The following OSBPL1A variants were observed in gnomAD, a reference collection of about 807,000 sequenced individuals.
The protein encoded by OSBPL1A is oxysterol-binding protein-related protein 1.
OSBPL1A carries 80 observed loss-of-function variants against 137.1 expected under a neutral mutation model. That is an observed-to-expected ratio of 0.58 (90% CI 0.49 to 0.70). The LOEUF is 0.70. Among genes scored for constraint, OSBPL1A ranks in the 30% least tolerant of loss-of-function variants. The pLI, the probability that OSBPL1A is intolerant of heterozygous loss-of-function variation, is 0.00. For missense variants in OSBPL1A, 970 were observed against 1,129.4 expected, an observed-to-expected ratio of 0.86 and a Z score of 2.02; for synonymous variants, 365 against 389.7, an observed-to-expected ratio of 0.94 and a Z score of 0.75.
Position 24,165,196 on chromosome 18 carries a change from C to T in OSBPL1A, c.2660-41G>A, listed in dbSNP as rs2086119188. ...CAACACAAACCATTAACACTCTACA[C>T]AGAGGATGCCAGGCACAGTATTAAG... On this transcript the variant is annotated intron_variant, in intron 26 of 27. Coordinates refer to ENST00000319481, the MANE Select transcript of OSBPL1A (RefSeq NM_080597.4). 3.9e-6 allele frequency: 6 copies of T among 1,534,694 alleles called. No individual in the cohort carries two copies. The East Asian group carries it at 1.4e-4, about 35-fold the overall frequency.
chr18:24,281,831 G>A lies in OSBPL1A; in HGVS notation c.1175-883C>T, dbSNP rs867320488. Among the ~76,000 whole-genome samples, 5 of 152,342 alleles carry A rather than the reference G, an allele frequency of 3.3e-5. No individual in the cohort carries two copies. In the Middle Eastern group the frequency reaches 0.014, roughly 415 times the overall value. Reference sequence around the variant, plus strand: ...GTCCCCAGACCCGGGCTGCAGACTGGTACTGGTCTGTGGTCCTGTTAGGAA... The same window carrying A: ...GTCCCCAGACCCGGGCTGCAGACTGATACTGGTCTGTGGTCCTGTTAGGAA... On this transcript the variant is annotated intron_variant, in intron 14 of 27. Transcript: ENST00000319481.
intron 13 of OSBPL1A, among the ~76,000 whole-genome samples, chr18:24,305,904 C>T (rs928851957): frequency 2.0e-5 from 3 of 152,192 alleles, no homozygotes; most frequent in African/African-American, 7.2e-5. Context: ...TCCTCCTTCA[C>T]CTTCCACCAA....
intron 12 of OSBPL1A, among the ~76,000 whole-genome samples, chr18:24,313,389 CTAGA>C (rs2090661389): frequency 6.7e-6 from 1 of 150,146 alleles, no homozygotes; most frequent in African/African-American, 2.5e-5. Flanking sequence ...TGCAATGAGC[CTAGA>C]TCCCACCACT....
chr18:24,274,343 C>A (rs1285893954), intron 15 of OSBPL1A, among the ~76,000 whole-genome samples: 1 of 151,902 alleles, frequency 6.6e-6, no homozygotes, highest in Non-Finnish European at 1.5e-5. Context: ...GAATGGGTGG[C>A]AAGTCTATGA....
chr18:24,194,822 C>G (rs1468368361), intron 18 of OSBPL1A, among the ~76,000 whole-genome samples: 10 of 152,176 alleles, frequency 6.6e-5, no homozygotes, highest in Admixed American at 5.9e-4. Flanking sequence ...GGTCTCACAG[C>G]CAGGAAGCGG....
At chr18:24,209,575 A>G (rs1346957000) in intron 17 of OSBPL1A, among the ~76,000 whole-genome samples, 2 of 152,254 alleles carry the variant, frequency 1.3e-5, no homozygotes, top group Non-Finnish European at 2.9e-5. Flanking sequence ...AATGGTATCT[A>G]GAAGAACATT....
chr18:24,354,770 AAAAG>A (rs1348891803), intron 4 of OSBPL1A, among the ~76,000 whole-genome samples: 25 of 148,710 alleles, frequency 1.7e-4, no homozygotes, highest in Admixed American at 6.7e-4. Context: ...AAAAAAAAAA[AAAAG>A]AAAGAAAGAA....
intron 17 of OSBPL1A, among the ~76,000 whole-genome samples, chr18:24,214,890 C>T (rs117451699): frequency 0.033 from 4,974 of 152,288 alleles, 125 homozygotes; most frequent in Non-Finnish European, 0.045. Context: ...GACTAACTTC[C>T]CTTCAAACCA....
In OSBPL1A at chr18:24,332,811, T is replaced by C. The variant is rs556654727; in HGVS notation, c.625+131A>G. On this transcript the variant is annotated intron_variant, in intron 7 of 27. Transcript: ENST00000319481. ...CATTTTTTCTTTTGTGTGAATGCCT[T>C]GGCTCCAAAATTAAATAGAAACCAT... is the stretch of plus-strand genomic sequence containing the variant. 1.1e-4 allele frequency: 124 copies of C among 1,127,390 alleles called. No individual in the cohort carries two copies. In the Middle Eastern group the frequency reaches 1.1e-3, roughly 10 times the overall value. The allele number at this position is 1,127,390 out of a possible 1,614,324, so 69.8% of individuals were successfully genotyped here.
chr18:24,174,967 C>T (rs540427368), intron 21 of OSBPL1A, among the ~76,000 whole-genome samples: 2 of 150,904 alleles, frequency 1.3e-5, no homozygotes, highest in South Asian at 2.1e-4. Context: ...TTTTTAGAGA[C>T]GGATTTTCAC....
intron 13 of OSBPL1A, 139 bp downstream of exon 13, chr18:24,311,845 C>T: frequency 1.0e-6 from 1 of 957,992 alleles, no homozygotes; most frequent in Non-Finnish European, 1.6e-6. Flanking sequence ...CAACACAATG[C>T]AACTCAGTGA....
intron 15 of OSBPL1A, among the ~76,000 whole-genome samples, chr18:24,267,788 A>G (rs2089617087): frequency 6.6e-6 from 1 of 152,200 alleles, no homozygotes; most frequent in Non-Finnish European, 1.5e-5. Flanking sequence ...AATCTGGTAA[A>G]TGGTATTTGT....
chr18:24,168,496 C>G (rs1202162311), intron 24 of OSBPL1A, among the ~76,000 whole-genome samples: 1 of 152,180 alleles, frequency 6.6e-6, no homozygotes, highest in Non-Finnish European at 1.5e-5. Flanking sequence ...TCTCCGCGGC[C>G]CAGCTATGCT....
intron 15 of OSBPL1A, among the ~76,000 whole-genome samples, chr18:24,261,183 C>T (rs1393608864): frequency 6.6e-6 from 1 of 152,066 alleles, no homozygotes; most frequent in African/African-American, 2.4e-5. Context: ...GATTCCATTA[C>T]TATAAAATTT....
chr18:24,314,467 G>C lies in OSBPL1A; in HGVS notation c.871-120C>G. The C allele has an allele frequency of 2.3e-5, 14 of 601,678 alleles. No individual in the cohort carries two copies. In the Middle Eastern group the frequency reaches 5.2e-3, roughly 225 times the overall value. 37.3% of individuals were successfully genotyped at this position (601,678 alleles called of 1,614,324 possible). A position where few individuals can be genotyped will look rare whatever the true frequency, so the allele number is the denominator to read the frequency against. ...TAACGATACCCAGTTGAACACTTAA[G>C]TATTGACAGATAAAAATTGGAAAAA... On this transcript the variant is annotated intron_variant, in intron 11 of 27. Coordinates refer to ENST00000319481, the MANE Select transcript of OSBPL1A (RefSeq NM_080597.4).
intron 5 of OSBPL1A, among the ~76,000 whole-genome samples, chr18:24,336,985 C>A (rs1002780376): frequency 6.6e-6 from 1 of 152,042 alleles, no homozygotes; most frequent in East Asian, 1.9e-4. Context: ...GGAAAAGATG[C>A]CTTTACAGTG....
intron 1 of OSBPL1A, among the ~76,000 whole-genome samples, chr18:24,386,862 T>C (rs1198829141): frequency 6.6e-6 from 1 of 151,802 alleles, no homozygotes; most frequent in Admixed American, 6.6e-5. Flanking sequence ...GAAGCCGAGG[T>C]GGAAAGATTG....
Position 24,384,603 on chromosome 18 carries a change from C to T in OSBPL1A, c.-2-7068G>A, listed in dbSNP as rs533733832. The stretch of plus-strand genomic sequence containing the variant: ...AAACAAAAGGGCCGGGGGCGGGTGG[C>T]TCATGCCTGTCATCCCAGCACTTTG... On this transcript the variant is annotated intron_variant, in intron 1 of 27. Coordinates refer to ENST00000319481, the MANE Select transcript of OSBPL1A (RefSeq NM_080597.4). Among the ~76,000 whole-genome samples the T allele has an allele frequency of 2.6e-5, 4 of 151,918 alleles. No individual in the cohort carries two copies. In the South Asian group the frequency reaches 8.3e-4, roughly 32 times the overall value.
chr18:24,314,849 G>A (rs1214515147), intron 11 of OSBPL1A, among the ~76,000 whole-genome samples: 4 of 152,288 alleles, frequency 2.6e-5, no homozygotes, highest in African/African-American at 9.6e-5. Flanking sequence ...ATTTATGCCA[G>A]AGGTTGCAAA....
Sources: gnomAD v4.1 joint callset for allele counts (sites outside exome capture counted in the v4.1 genomes callset) on GRCh38, gnomAD v4.1.1 for gene constraint, MANE v1.5 for transcripts, NCBI Gene and HGNC (gene_info 2026-07-23, HGNC 2026-07-21) for gene names.